HMGA2: variants seen among roughly 807,000 people sequenced by gnomAD.
The protein encoded by HMGA2 is high mobility group AT-hook 2.
HMGA2 carries 8 observed loss-of-function variants against 19.1 expected under a neutral mutation model. The ratio of observed to expected loss-of-function variants is 0.42; its 90% CI spans 0.25 to 0.76. The LOEUF (loss-of-function observed/expected upper bound fraction) is 0.76, where lower values mean the gene tolerates loss of function less well. Ranked by LOEUF, HMGA2 falls within the 30% of genes least tolerant of loss-of-function variation. The pLI is 0.28. For synonymous variants in HMGA2, 60 were observed against 48.8 expected, an observed-to-expected ratio of 1.23 and a Z score of -0.96; for missense variants, 109 against 136.3, an observed-to-expected ratio of 0.80 and a Z score of 1.00.
At chr12:65,899,528 G>A (rs1874286752) in intron 3 of HMGA2, among the ~76,000 whole-genome samples, 1 of 152,248 alleles carries the variant, frequency 6.6e-6, no homozygotes. Flanking sequence ...AGAGGGGGAT[G>A]AGGGTTTGAA....
Position 65,883,174 on chromosome 12 carries a change from G to A in HMGA2, c.249+44605G>A, listed in dbSNP as rs190075282. Among the ~76,000 whole-genome samples the A allele has an allele frequency of 1.2e-3, 189 of 152,336 alleles. 1 individual carries two copies. The highest frequency in any genetic ancestry group is 4.2e-3 in the African/African-American group (175 of 41,574). On this transcript the variant is annotated intron_variant, in intron 3 of 4. Coordinates refer to ENST00000403681, the MANE Select transcript of HMGA2 (RefSeq NM_003483.6). ...CTAAGAGGCTGAAGGCTTACTCTAGGGGTGAAAGAAGAGGAAAGGCGATGG... is the reference window on the plus strand; with the variant it reads ...CTAAGAGGCTGAAGGCTTACTCTAGAGGTGAAAGAAGAGGAAAGGCGATGG...
chr12:65,866,152 C>A (rs1026232776), intron 3 of HMGA2, among the ~76,000 whole-genome samples: 4 of 152,186 alleles, frequency 2.6e-5, no homozygotes, highest in Admixed American at 2.6e-4. Context: ...CATCTGTTCA[C>A]TCACTCAGCA....
chr12:65,915,354 A>G lies in HMGA2; in HGVS notation c.250-36029A>G, dbSNP rs542777487. On this transcript the variant is annotated intron_variant, in intron 3 of 4. Transcript: ENST00000403681. The stretch of plus-strand genomic sequence containing the variant: ...TACCCCATATGGCACCCTTGTACGA[A>G]TTTGAAAAAAGTACTCACTCTAGGC... The G allele has an allele frequency of 8.9e-6, 12 of 1,343,964 alleles. No individual in the cohort carries two copies. The South Asian group carries it at 1.7e-4, about 19-fold the overall frequency. 83.3% of individuals were successfully genotyped at this position (1,343,964 alleles called of 1,614,324 possible).
intron 3 of HMGA2, among the ~76,000 whole-genome samples, chr12:65,878,222 T>G (rs1873158488): frequency 6.6e-6 from 1 of 152,240 alleles, no homozygotes. Context: ...CAACGTTTCT[T>G]GTAGAATGAG....
chr12:65,887,402 CA>C (rs1873702919), intron 3 of HMGA2, among the ~76,000 whole-genome samples: 1 of 152,064 alleles, frequency 6.6e-6, no homozygotes. Context: ...AGCCTGGCAA[CA>C]TGGCAAAACC....
At chr12:65,902,918 T>C (rs1341946447) in intron 3 of HMGA2, among the ~76,000 whole-genome samples, 2 of 152,208 alleles carry the variant, frequency 1.3e-5, no homozygotes, top group African/African-American at 4.8e-5. Flanking sequence ...CAAAATTTTA[T>C]ATCTAAATTT....
intron 3 of HMGA2, among the ~76,000 whole-genome samples, chr12:65,931,236 G>A (rs1875698662): frequency 6.6e-6 from 1 of 152,088 alleles, no homozygotes; most frequent in Non-Finnish European, 1.5e-5. Flanking sequence ...TCAAGTCACT[G>A]GGTCTTTATA....
intron 3 of HMGA2, among the ~76,000 whole-genome samples, chr12:65,949,107 G>C (rs2121308179): frequency 6.6e-6 from 1 of 152,224 alleles, no homozygotes; most frequent in African/African-American, 2.4e-5. Flanking sequence ...GTCCTAAGAG[G>C]CAAGAAGTCC....
At chr12:65,863,341 A>T (rs1872210476) in intron 3 of HMGA2, among the ~76,000 whole-genome samples, 1 of 152,234 alleles carries the variant, frequency 6.6e-6, no homozygotes, top group Non-Finnish European at 1.5e-5. Flanking sequence ...TTTCTGCAGT[A>T]CAAGGTGAAC....
intron 3 of HMGA2, among the ~76,000 whole-genome samples, chr12:65,843,682 A>ACACACACACAAG (rs1555180908): frequency 2.2e-4 from 34 of 151,904 alleles, no homozygotes; most frequent in Middle Eastern, 3.4e-3. Context: ...ACACACACAC[A>ACACACACACAAG]CACACACACA....
intron 3 of HMGA2, among the ~76,000 whole-genome samples, chr12:65,863,628 A>G (rs562918795): frequency 1.4e-4 from 22 of 152,330 alleles, no homozygotes; most frequent in African/African-American, 5.3e-4. Flanking sequence ...GAGAAACTAA[A>G]TTGTAATTTG....
chr12:65,947,469 C>T (rs1296697395), intron 3 of HMGA2, among the ~76,000 whole-genome samples: 1 of 152,144 alleles, frequency 6.6e-6, no homozygotes, highest in Non-Finnish European at 1.5e-5. Context: ...TTTGTCAATG[C>T]TGCTATTGAT....
chr12:65,916,840 A>T (rs1875120572), intron 3 of HMGA2, among the ~76,000 whole-genome samples: 1 of 152,184 alleles, frequency 6.6e-6, no homozygotes, highest in African/African-American at 2.4e-5. Flanking sequence ...CAATAAATAG[A>T]AAGAGGAAGC....
chr12:65,963,207 C>G (rs762427793), intron 4 of HMGA2, 38 bp from the exon 5 acceptor site: 7 of 1,602,562 alleles, frequency 4.4e-6, no homozygotes, highest in South Asian at 1.1e-5. Context: ...CACAGTATAA[C>G]GATTGAGCGT....
intron 3 of HMGA2, among the ~76,000 whole-genome samples, chr12:65,948,086 T>A (rs1401590390): frequency 2.0e-5 from 3 of 152,150 alleles, no homozygotes; most frequent in African/African-American, 7.2e-5. Context: ...TAGAAAAAGA[T>A]CTCAGACGAT....
chr12:65,825,419 C>T lies in HMGA2; in HGVS notation c.111+38C>T. ...GCGCGGTGGGGGCACCAGCCCACCC[C>T]GTCCCCACTGCCGGGGCCCAGACAC... On this transcript the variant is annotated intron_variant, in intron 1 of 4. Transcript: ENST00000403681. The surrounding 1 kb of genome is among the most constrained non-coding windows in gnomAD (Gnocchi z 4.4). 7.0e-7 allele frequency: 1 copy of T among 1,420,532 alleles called. No individual in the cohort carries two copies. Among genetic ancestry groups the T allele is most frequent in the Non-Finnish European group, 9.4e-7 (1 of 1,063,306 alleles). The allele number at this position is 1,420,532 out of a possible 1,614,324, so 88.0% of individuals were successfully genotyped here. A position where few individuals can be genotyped will look rare whatever the true frequency, so the allele number is the denominator to read the frequency against.
intron 2 of HMGA2, among the ~76,000 whole-genome samples, chr12:65,834,707 T>A (rs1245660458): frequency 3.9e-5 from 6 of 151,964 alleles, no homozygotes; most frequent in Non-Finnish European, 5.9e-5. Context: ...TGCTAAGCAC[T>A]GTTTTCAAGC....
chr12:65,865,832 C>T (rs539556711), intron 3 of HMGA2, among the ~76,000 whole-genome samples: 29 of 150,580 alleles, frequency 1.9e-4, no homozygotes, highest in Non-Finnish European at 4.1e-4. Context: ...TTAGTAGAAA[C>T]GGGGTTTCAT....
chr12:65,886,280 C>T lies in HMGA2; in HGVS notation c.249+47711C>T, dbSNP rs534570110. Among the ~76,000 whole-genome samples the T allele has an allele frequency of 5.3e-5, 8 of 152,166 alleles. No homozygotes were observed. The South Asian group carries it at 1.5e-3, about 28-fold the overall frequency. On this transcript the variant is annotated intron_variant, in intron 3 of 4. Transcript: ENST00000403681. ...AGACTGTTCTTAAGCTGCTTTCAAG[C>T]TCACATTTCACTTAAGGGTAGGGAC...
Sources: gnomAD v4.1 joint callset for allele counts (sites outside exome capture counted in the v4.1 genomes callset) on GRCh38, gnomAD v4.1.1 for gene constraint, Gnocchi (gnomAD v3.1) non-coding constraint, MANE v1.5 for transcripts, NCBI Gene and HGNC (gene_info 2026-07-23, HGNC 2026-07-21) for gene names.